The following LIN28A variants were observed in gnomAD, a reference collection of about 807,000 sequenced individuals.
The protein encoded by LIN28A is lin-28 RNA binding posttranscriptional regulator A.
A neutral mutation model predicts 21.1 loss-of-function variants in LIN28A; 11 were observed. The observed-to-expected ratio is 0.52, with a 90% CI of 0.33 to 0.86. The LOEUF (loss-of-function observed/expected upper bound fraction) is 0.86, where lower values mean the gene tolerates loss of function less well. Among genes scored for constraint, LIN28A ranks in the 40% least tolerant of loss-of-function variants. The pLI is 0.03. For synonymous variants in LIN28A, 111 were observed against 108.7 expected (o/e 1.02, Z -0.13); for missense variants, 219 against 279.8 (o/e 0.78, Z 1.55).
chr1:26,412,498 C>T (rs2074966846), intron 2 of LIN28A, among the ~76,000 whole-genome samples: 1 of 152,144 alleles, frequency 6.6e-6, no homozygotes, highest in African/African-American at 2.4e-5. Context: ...TCCGGTGGTC[C>T]TGGGCCACCA....
chr1:26,423,413 C>CTTTTTTTTTTTTTTTTTTTTTTTT (rs1202952934), intron 2 of LIN28A, among the ~76,000 whole-genome samples: 5 of 78,820 alleles, frequency 6.3e-5, no homozygotes, highest in African/African-American at 9.8e-5. Flanking sequence ...TTTTCTTTTT[C>CTTTTTTTTTTTTTTTTTTTTTTTT]TTTTTTTTTT....
intron 2 of LIN28A, among the ~76,000 whole-genome samples, chr1:26,421,459 T>C (rs934257027): frequency 6.6e-6 from 1 of 152,246 alleles, no homozygotes; most frequent in Non-Finnish European, 1.5e-5. Flanking sequence ...ACTGATAATC[T>C]ACTTATATTA....
rs1022603128 is a variant in LIN28A, at chr1:26,419,382, T to C, written c.229-5921T>C. 3.3e-5 allele frequency among the ~76,000 whole-genome samples: 5 copies of C among 152,148 alleles called. No individual in the cohort carries two copies. In the East Asian group the frequency reaches 7.7e-4, roughly 23 times the overall value. ...GACCTCAGATCCTCCAGTGATGCAG[T>C]GAGTGACCTGAGAGGACTAGTCAAT... On this transcript the variant is annotated intron_variant, in intron 2 of 3. Coordinates refer to ENST00000326279, the MANE Select transcript of LIN28A (RefSeq NM_024674.6).
chr1:26,414,517 T>C (rs186743590), intron 2 of LIN28A, among the ~76,000 whole-genome samples: 67 of 152,182 alleles, frequency 4.4e-4, no homozygotes, highest in African/African-American at 1.6e-3. Context: ...AGTAGATGAG[T>C]GGGGGGAAAA....
At chr1:26,425,851 C>A (rs182890270) in intron 3 of LIN28A, among the ~76,000 whole-genome samples, 1 of 152,292 alleles carries the variant, frequency 6.6e-6, no homozygotes, top group African/African-American at 2.4e-5. Flanking sequence ...CTGCAAATGG[C>A]TGGTTTCCTT....
chr1:26,411,670 G>C lies in LIN28A; in HGVS notation c.228+88G>C, dbSNP rs1050444334. 27 of 1,354,370 alleles carry C rather than the reference G, an allele frequency of 2.0e-5. No homozygotes were observed. Among genetic ancestry groups the C allele is most frequent in the Non-Finnish European group, 2.7e-5 (26 of 970,574 alleles). The allele number at this position is 1,354,370 out of a possible 1,614,324, so 83.9% of individuals were successfully genotyped here. A position where few individuals can be genotyped will look rare whatever the true frequency, so the allele number is the denominator to read the frequency against. On this transcript the variant is annotated intron_variant, in intron 2 of 3. Coordinates refer to ENST00000326279, the MANE Select transcript of LIN28A (RefSeq NM_024674.6). This position sits in a 1 kb window ranked among gnomAD's most constrained non-coding sequence, Gnocchi z 5.4. ...GGCTCCGGGCTCGCAGTTGAATTGA[G>C]GGCCATCGGGAGCCCTCATTATGCA...
rs578262847 is a variant in LIN28A, at chr1:26,419,597, G to A, written c.229-5706G>A. On this transcript the variant is annotated intron_variant, in intron 2 of 3. Coordinates refer to ENST00000326279, the MANE Select transcript of LIN28A (RefSeq NM_024674.6). Reference sequence around the variant, plus strand: ...TCTGTTAACCCACGCCACCCAGTGTGAAGAGGTTGATAATTGCCACTCCCT... The same window carrying A: ...TCTGTTAACCCACGCCACCCAGTGTAAAGAGGTTGATAATTGCCACTCCCT... Among the ~76,000 whole-genome samples, 13 of 152,302 alleles carry A rather than the reference G, an allele frequency of 8.5e-5. No homozygotes were observed. The South Asian group carries it at 2.5e-3, about 29-fold the overall frequency.
At chr1:26,412,316 C>T (rs1388645308) in intron 2 of LIN28A, among the ~76,000 whole-genome samples, 1 of 151,944 alleles carries the variant, frequency 6.6e-6, no homozygotes, top group Admixed American at 6.6e-5. Context: ...AATTCAGTGT[C>T]GCAGGGCAGG....
rs991996506 is a variant in LIN28A, at chr1:26,429,462, G to A, written c.*3004G>A. Reference sequence around the variant, plus strand: ...GCTTTGTGTAAAATCTTGAATTTATGGGGCGGGAGGGTAGGAAAGCCTGTA... The same window carrying A: ...GCTTTGTGTAAAATCTTGAATTTATAGGGCGGGAGGGTAGGAAAGCCTGTA... On this transcript the variant is annotated 3_prime_UTR_variant, in exon 4 of 4. Coordinates refer to ENST00000326279, the MANE Select transcript of LIN28A (RefSeq NM_024674.6). The A allele has an allele frequency of 1.3e-5, 2 of 152,644 alleles. No individual in the cohort carries two copies. The highest frequency in any genetic ancestry group is 2.4e-5 in the African/African-American group (1 of 41,440). 9.5% of individuals were successfully genotyped at this position (152,644 alleles called of 1,614,324 possible).
At chr1:26,418,258 A>T (rs2075006911) in intron 2 of LIN28A, among the ~76,000 whole-genome samples, 1 of 152,154 alleles carries the variant, frequency 6.6e-6, no homozygotes, top group East Asian at 1.9e-4. Flanking sequence ...AGAAAAAGAA[A>T]TGCTTGGGGT....
intron 2 of LIN28A, among the ~76,000 whole-genome samples, chr1:26,424,402 C>A (rs538161038): frequency 2.0e-5 from 3 of 151,646 alleles, no homozygotes; most frequent in African/African-American, 7.3e-5. Context: ...CCACCACACC[C>A]GGCTAATTTT....
In LIN28A at chr1:26,411,562, G is replaced by T. The variant is rs1229122354; in HGVS notation, c.208G>T (p.Val70Leu). 6.2e-7 allele frequency: 1 copy of T among 1,613,796 alleles called. No homozygotes were observed. Among genetic ancestry groups the T allele is most frequent in the Non-Finnish European group, 8.5e-7 (1 of 1,179,906 alleles). Residue 70 changes from valine to leucine, a missense_variant, in exon 2 of 4, where the codon GTG becomes TTG. By Grantham distance (32) the Val-to-Leu change is conservative (BLOSUM62 1). Around this residue, in one of 3 missense-constraint regions of LIN28A, gnomAD observed 124 missense variants for 193.1 expected, o/e 0.64. Coordinates refer to ENST00000326279, the MANE Select transcript of LIN28A (RefSeq NM_024674.6). This position sits in a 1 kb window ranked among gnomAD's most constrained non-coding sequence, Gnocchi z 5.4. Reference sequence around the variant, plus strand: ...CGCCGGGGTCGCGCTCGACCCCCCAGTGGATGTCTTTGTGCACCAGGTGAG... The same window carrying T: ...CGCCGGGGTCGCGCTCGACCCCCCATTGGATGTCTTTGTGCACCAGGTGAG... ...ARAGVALDPP[V>L]DVFVHQSKLH...
Position 26,411,005 on chromosome 1 carries a change from C to A in LIN28A, c.31+83C>A. The A allele has an allele frequency of 6.6e-7, 1 of 1,520,752 alleles. No individual in the cohort carries two copies. Among genetic ancestry groups the A allele is most frequent in the South Asian group, 1.2e-5 (1 of 80,502 alleles). 94.2% of individuals were successfully genotyped at this position (1,520,752 alleles called of 1,614,324 possible). A position where few individuals can be genotyped will look rare whatever the true frequency, so the allele number is the denominator to read the frequency against. ...GTAGAAGGGAGGTGGGGAACTGAGT[C>A]CTAGGCTGCCCAAAGGACCCCAAGA... On this transcript the variant is annotated intron_variant, in intron 1 of 3. Transcript: ENST00000326279. This position sits in a 1 kb window ranked among gnomAD's most constrained non-coding sequence, Gnocchi z 5.4.
intron 3 of LIN28A, 61 bp from the exon 4 acceptor site, chr1:26,426,181 G>T: frequency 7.3e-7 from 1 of 1,366,278 alleles, no homozygotes; most frequent in East Asian, 2.3e-5. Context: ...CCTCATTCGT[G>T]GGAGGCATCT....
At chr1:26,426,121 G>T in intron 3 of LIN28A, 121 bp from the exon 4 acceptor site, 1 of 708,622 alleles carries the variant, frequency 1.4e-6, no homozygotes, top group African/African-American at 1.8e-5. Context: ...TGGGAAGTTT[G>T]GTCTCTGGGA....
intron 2 of LIN28A, among the ~76,000 whole-genome samples, chr1:26,417,188 T>G (rs1374550940): frequency 6.6e-6 from 1 of 152,158 alleles, no homozygotes; most frequent in East Asian, 1.9e-4. Flanking sequence ...GGGCTTACCT[T>G]TGGGCAGACA....
chr1:26,425,497 G>A lies in LIN28A; in HGVS notation c.413+10G>A. On this transcript the variant is annotated intron_variant, in intron 3 of 3. Coordinates refer to ENST00000326279, the MANE Select transcript of LIN28A (RefSeq NM_024674.6). Reference sequence around the variant, plus strand: ...GATCAAAAGGAGACAGGTATGGATTGGAAGGCAGCTTATATAGGTTGCTAA... The same window carrying A: ...GATCAAAAGGAGACAGGTATGGATTAGAAGGCAGCTTATATAGGTTGCTAA... 1.2e-6 allele frequency: 2 copies of A among 1,612,758 alleles called. No individual in the cohort carries two copies. Among genetic ancestry groups the A allele is most frequent in the Non-Finnish European group, 1.7e-6 (2 of 1,179,150 alleles).
At chr1:26,419,360 C>T (rs894066779) in intron 2 of LIN28A, among the ~76,000 whole-genome samples, 2 of 152,106 alleles carry the variant, frequency 1.3e-5, no homozygotes, top group Admixed American at 6.5e-5. Flanking sequence ...AGTCTTAGAC[C>T]TCAGATCCTC....
At chr1:26,424,891 G>A (rs1274294245) in intron 2 of LIN28A, among the ~76,000 whole-genome samples, 4 of 151,798 alleles carry the variant, frequency 2.6e-5, no homozygotes, top group Admixed American at 6.6e-5. Flanking sequence ...ACAGGTGCCC[G>A]CCACCACGCC....
Sources: gnomAD v4.1 joint callset for allele counts (sites outside exome capture counted in the v4.1 genomes callset) on GRCh38, gnomAD v4.1.1 for gene constraint, gnomAD v4.1.1 regional missense constraint, Gnocchi (gnomAD v3.1) non-coding constraint, MANE v1.5 for transcripts, NCBI Gene and HGNC (gene_info 2026-07-23, HGNC 2026-07-21) for gene names.